The following AKNAD1 variants were observed in gnomAD, a reference collection of about 807,000 sequenced individuals.
AKNAD1 encodes AKNA domain containing 1, also known as protein AKNAD1.
Under a neutral mutation model 90.8 loss-of-function variants are expected in AKNAD1, and 67 were observed. The observed-to-expected ratio is 0.74, with a 90% CI of 0.61 to 0.90. The LOEUF is 0.90. Among genes scored for constraint, AKNAD1 ranks in the 40% least tolerant of loss-of-function variants. The probability of loss-of-function intolerance (pLI) is 0.00; values close to 1 mark genes in which losing one functional copy is unlikely to be tolerated. For missense variants in AKNAD1, 957 were observed against 975.4 expected (o/e 0.98, Z 0.25); for synonymous variants, 327 against 341.4 (o/e 0.96, Z 0.46).
In AKNAD1 at chr1:108,823,485, G is replaced by T; in HGVS notation, c.2060-8C>A. On this transcript the variant is annotated splice_polypyrimidine_tract_variant and splice_region_variant and intron_variant, in intron 12 of 15. Transcript: ENST00000370001. ...TGTATCTATAATGAAATTCTGGGAA[G>T]AAAAGATTAAAAATACAGTTAATTG... The T allele has an allele frequency of 6.2e-7, 1 of 1,612,660 alleles. No individual in the cohort carries two copies. Among genetic ancestry groups the T allele is most frequent in the South Asian group, 1.1e-5 (1 of 91,048 alleles).
rs573011814 is a variant in AKNAD1 at position 108,846,445 on chromosome 1, T to G, written c.1245+2307A>C. ...AATCCTAGCTTTCTGGAGATCTTGC[T>G]TATCGTTGTTTCTTCCATAATCCCT... On this transcript the variant is annotated intron_variant, in intron 5 of 15. Transcript: ENST00000370001. Among the ~76,000 whole-genome samples the G allele has an allele frequency of 3.9e-5, 6 of 152,296 alleles. No individual in the cohort carries two copies. In the East Asian group the frequency reaches 1.2e-3, roughly 29 times the overall value.
chr1:108,831,666 C>T lies in AKNAD1; in HGVS notation c.1747-1016G>A, dbSNP rs549012670. On this transcript the variant is annotated intron_variant, in intron 9 of 15. Coordinates refer to ENST00000370001, the MANE Select transcript of AKNAD1 (RefSeq NM_152763.5). Reference sequence around the variant, plus strand: ...GTGACTTTTTTTTTTTTTTTTGAGACGGAGTCTCACTCTGTTGCCCAGGCT... The same window carrying T: ...GTGACTTTTTTTTTTTTTTTTGAGATGGAGTCTCACTCTGTTGCCCAGGCT... Among the ~76,000 whole-genome samples the T allele has an allele frequency of 1.0e-3, 145 of 144,272 alleles. 1 individual carries two copies. The highest frequency in any genetic ancestry group is 2.4e-3 in the African/African-American group (94 of 39,014). 94.6% of individuals were successfully genotyped at this position (144,272 alleles called of 152,430 possible).
chr1:108,834,502 G>A lies in AKNAD1; in HGVS notation c.1691C>T (p.Ala564Val). 1.9e-6 allele frequency: 3 copies of A among 1,608,862 alleles called. No individual in the cohort carries two copies. The highest frequency in any genetic ancestry group is 3.4e-5 in the Admixed American group (2 of 59,376). Residue 564 changes from alanine (A) to valine (V), a missense_variant, in exon 9 of 16, where the codon GCA becomes GTA. Coordinates refer to ENST00000370001, the MANE Select transcript of AKNAD1 (RefSeq NM_152763.5). ...TTGGTCTGGCTTGTTCTGGGCAGCTGCATCTCCATAATGACCGTTTAGGTA... is the reference window on the plus strand; with the variant it reads ...TTGGTCTGGCTTGTTCTGGGCAGCTACATCTCCATAATGACCGTTTAGGTA... ...QTYLNGHYGD[A>V]AAQNKPDQVA...
intron 11 of AKNAD1, among the ~76,000 whole-genome samples, chr1:108,824,202 C>T (rs987661814): frequency 1.8e-4 from 28 of 152,192 alleles, no homozygotes; most frequent in African/African-American, 6.5e-4. Flanking sequence ...TAGTAGCAGA[C>T]AGCATGTGTA....
At position 108,852,613 on chromosome 1, in the gene AKNAD1, G is replaced by T. The variant is rs748738985; in HGVS notation, c.52C>A (p.Pro18Thr). ...EHTTYKQEDL[P>T]YDGDLSQIKI... ...ATCTGAGAGAGGTCCCCATCATAAGGCAAATCCTCCTGCTTATAAGTCGTG... is the reference window on the plus strand; with the variant it reads ...ATCTGAGAGAGGTCCCCATCATAAGTCAAATCCTCCTGCTTATAAGTCGTG... Residue 18 changes from proline to threonine, a missense_variant, in exon 2 of 16, where the codon CCT becomes ACT. Physicochemically the swap from Pro to Thr is conservative, Grantham distance 38. Coordinates refer to ENST00000370001, the MANE Select transcript of AKNAD1 (RefSeq NM_152763.5). 5.6e-6 allele frequency: 9 copies of T among 1,608,064 alleles called. No individual in the cohort carries two copies. The highest frequency in any genetic ancestry group is 1.7e-5 in the Admixed American group (1 of 58,474).
At chr1:108,854,887 T>C (rs1664986369) in intron 1 of AKNAD1, among the ~76,000 whole-genome samples, 1 of 152,200 alleles carries the variant, frequency 6.6e-6, no homozygotes, top group African/African-American at 2.4e-5. Flanking sequence ...ATTTAACTCT[T>C]GTGAGTCTCG....
rs367879802 is a variant in AKNAD1 at position 108,852,144 on chromosome 1, G to A, written c.521C>T (p.Pro174Leu). The change falls in exon 2 of 16, where the codon CCG becomes CTG. Residue 174 changes from proline (P) to leucine (L), a missense_variant. Transcript: ENST00000370001. ...ATTGCTGTTTTCACCATCCCTTTTC[G>A]GGTTGAGTTGGTCAGTGAGTTCTGG... ...QTPELTDQLNPKRDGENSNKP... is the reference protein window; with the variant it reads ...QTPELTDQLNLKRDGENSNKP... 4.0e-5 allele frequency: 64 copies of A among 1,613,968 alleles called. No homozygotes were observed. Among genetic ancestry groups the A allele is most frequent in the Non-Finnish European group, 5.1e-5 (60 of 1,180,030 alleles).
At chr1:108,826,245 C>T (rs1663992543) in intron 11 of AKNAD1, among the ~76,000 whole-genome samples, 1 of 151,706 alleles carries the variant, frequency 6.6e-6, no homozygotes, top group Non-Finnish European at 1.5e-5. Flanking sequence ...GGGCCACAGG[C>T]AGTGCAGATG....
chr1:108,847,763 A>T (rs929763025), intron 5 of AKNAD1, among the ~76,000 whole-genome samples: 1 of 152,128 alleles, frequency 6.6e-6, no homozygotes, highest in Admixed American at 6.5e-5. Flanking sequence ...AGCCTTCCAA[A>T]TGTCCCCTCA....
chr1:108,846,710 C>T (rs1484906710), intron 5 of AKNAD1, among the ~76,000 whole-genome samples: 1 of 152,112 alleles, frequency 6.6e-6, no homozygotes, highest in Non-Finnish European at 1.5e-5. Context: ...CTCATCCACT[C>T]CAGCGTCAAC....
At chr1:108,838,171 C>A (rs1664439731) in intron 6 of AKNAD1, among the ~76,000 whole-genome samples, 1 of 152,048 alleles carries the variant, frequency 6.6e-6, no homozygotes, top group Non-Finnish European at 1.5e-5. Flanking sequence ...TTTTACCCAA[C>A]AAAGAGAATC....
intron 7 of AKNAD1, among the ~76,000 whole-genome samples, chr1:108,836,473 G>A (rs1034817093): frequency 2.0e-4 from 30 of 152,258 alleles, no homozygotes; most frequent in African/African-American, 1.7e-4. Flanking sequence ...CTCCAGGTGC[G>A]GGGGATTGGG....
intron 7 of AKNAD1, among the ~76,000 whole-genome samples, chr1:108,835,694 G>A (rs188824904): frequency 6.0e-5 from 9 of 150,626 alleles, no homozygotes; most frequent in East Asian, 3.9e-4. Context: ...GCGCAATCTC[G>A]GCTCACTGCA....
chr1:108,833,135 T>A (rs979030664), intron 9 of AKNAD1, among the ~76,000 whole-genome samples: 1 of 148,714 alleles, frequency 6.7e-6, no homozygotes, highest in Non-Finnish European at 1.5e-5. Flanking sequence ...AGTACAGTCA[T>A]CAAAAATGAA....
chr1:108,835,071 C>T lies in AKNAD1; in HGVS notation c.1537-15G>A, dbSNP rs1557831823. The T allele has an allele frequency of 2.5e-6, 4 of 1,568,812 alleles. No individual in the cohort carries two copies. In the South Asian group the frequency reaches 4.7e-5, roughly 18 times the overall value. Reference sequence around the variant, plus strand: ...TCCTTGGGAATCTGGGGGAGCCACACAGAAAGACTTGAATTAGAGCCACAG... The same window carrying T: ...TCCTTGGGAATCTGGGGGAGCCACATAGAAAGACTTGAATTAGAGCCACAG... On this transcript the variant is annotated splice_polypyrimidine_tract_variant and intron_variant, in intron 7 of 15. Transcript: ENST00000370001.
At chr1:108,816,857 T>G in intron 15 of AKNAD1, 191 bp downstream of exon 15, 1 of 579,948 alleles carries the variant, frequency 1.7e-6, no homozygotes, top group Non-Finnish European at 2.9e-6. Flanking sequence ...TTGGAACCAA[T>G]TTAGAATAAT....
At chr1:108,822,717 G>A (rs770123843) in intron 13 of AKNAD1, among the ~76,000 whole-genome samples, 8 of 152,154 alleles carry the variant, frequency 5.3e-5, no homozygotes, top group African/African-American at 9.7e-5. Context: ...TATAGCTGTC[G>A]TTCAGTGGTA....
chr1:108,851,920 A>G lies in AKNAD1; in HGVS notation c.745T>C (p.Tyr249His), dbSNP rs1664877240. The G allele has an allele frequency of 6.2e-7, 1 of 1,614,086 alleles. No homozygotes were observed. The highest frequency in any genetic ancestry group is 1.7e-5 in the Admixed American group (1 of 60,006). The change falls in exon 2 of 16, where the codon TAC becomes CAC. Residue 249 changes from tyrosine to histidine, a missense_variant. Transcript: ENST00000370001. The stretch of plus-strand genomic sequence containing the variant: ...TGGTAATGAACTTGACCTTGGCCGT[A>G]TTTGAACGTGTTGCCTGAATTTGCT... ...EKANSGNTFKYGQGQVHYQLP... is the reference protein window; with the variant it reads ...EKANSGNTFKHGQGQVHYQLP...
intron 2 of AKNAD1, 40 bp downstream of exon 2, chr1:108,851,631 TG>T: frequency 6.6e-7 from 1 of 1,509,800 alleles, no homozygotes; most frequent in Non-Finnish European, 8.8e-7. Flanking sequence ...AGATAAGCAG[TG>T]GTCCCAATTA....
Sources: gnomAD v4.1 joint callset for allele counts (sites outside exome capture counted in the v4.1 genomes callset) on GRCh38, gnomAD v4.1.1 for gene constraint, MANE v1.5 for transcripts, NCBI Gene and HGNC (gene_info 2026-07-23, HGNC 2026-07-21) for gene names.